The following ST8SIA3 variants were observed in gnomAD, a reference collection of about 807,000 sequenced individuals.
The protein encoded by ST8SIA3 is ST8 alpha-N-acetyl-neuraminide alpha-2,8-sialyltransferase 3.
A neutral mutation model predicts 34.5 loss-of-function variants in ST8SIA3; 17 were observed. The ratio of observed to expected loss-of-function variants is 0.49; its 90% confidence interval spans 0.34 to 0.74. The LOEUF is 0.74. Ranked by LOEUF, ST8SIA3 falls within the 30% of genes least tolerant of loss-of-function variation. The pLI, the probability that ST8SIA3 is intolerant of heterozygous loss-of-function variation, is 0.01. For missense variants in ST8SIA3, 354 were observed against 467.8 expected (o/e 0.76, Z 2.24); for synonymous variants, 172 against 176.1 (o/e 0.98, Z 0.19).
At chr18:57,354,789 C>T (rs544228895) in intron 2 of ST8SIA3, among the ~76,000 whole-genome samples, 1 of 150,788 alleles carries the variant, frequency 6.6e-6, no homozygotes, top group South Asian at 2.1e-4. Flanking sequence ...AAGCATTCCA[C>T]TTGGGCTTGA....
In ST8SIA3 at chr18:57,361,907, T is replaced by C. The variant is rs759146384; in HGVS notation, c.*1630T>C. 6 of 152,238 alleles carry C rather than the reference T, an allele frequency of 3.9e-5. No individual in the cohort carries two copies. Among genetic ancestry groups the C allele is most frequent in the Non-Finnish European group, 7.3e-5 (5 of 68,036 alleles). 9.4% of individuals were successfully genotyped at this position (152,238 alleles called of 1,614,324 possible). A position where few individuals can be genotyped will look rare whatever the true frequency, so the allele number is the denominator to read the frequency against. ...TTCAGTGATGAGCTCATTGCCCCTC[T>C]TTAGGAAGGTAAGATCATGCCTAAA... is the stretch of plus-strand genomic sequence containing the variant. On this transcript the variant is annotated 3_prime_UTR_variant, in exon 4 of 4. Coordinates refer to ENST00000324000, the MANE Select transcript of ST8SIA3 (RefSeq NM_015879.3).
chr18:57,355,671 A>T (rs1042608723), intron 2 of ST8SIA3, among the ~76,000 whole-genome samples: 2 of 152,198 alleles, frequency 1.3e-5, no homozygotes, highest in South Asian at 4.1e-4. Context: ...CATGGGTAGA[A>T]CACATTCTAG....
At position 57,362,802 on chromosome 18, in the gene ST8SIA3, A is replaced by G. The variant is rs1351986958; in HGVS notation, c.*2525A>G. On this transcript the variant is annotated 3_prime_UTR_variant, in exon 4 of 4. Transcript: ENST00000324000. ...GAAGAATAGCAGCTTCTAGCTGACC[A>G]TGCAAAATCTCTGTTTGTTTTTAAA... is the stretch of plus-strand genomic sequence containing the variant. 6.6e-6 allele frequency: 1 copy of G among 152,228 alleles called. No homozygotes were observed. The highest frequency in any genetic ancestry group is 1.5e-5 in the Non-Finnish European group (1 of 68,036). 9.4% of individuals were successfully genotyped at this position (152,228 alleles called of 1,614,324 possible). A position where few individuals can be genotyped will look rare whatever the true frequency, so the allele number is the denominator to read the frequency against.
chr18:57,368,483 C>A lies in ST8SIA3; in HGVS notation c.*8206C>A, dbSNP rs2049873494. On this transcript the variant is annotated 3_prime_UTR_variant, in exon 4 of 4. Coordinates refer to ENST00000324000, the MANE Select transcript of ST8SIA3 (RefSeq NM_015879.3). ...CCTGCCCGCTCACCCCGTCACTCAA[C>A]ACTTGATGCATTTGTTTTGGAAAGT... 2.0e-5 allele frequency: 3 copies of A among 152,194 alleles called. No homozygotes were observed. The highest frequency in any genetic ancestry group is 2.0e-4 in the Admixed American group (3 of 15,286). The allele number at this position is 152,194 out of a possible 1,614,324, so 9.4% of individuals were successfully genotyped here.
Position 57,360,259 on chromosome 18 carries a change from T to C in ST8SIA3, c.1125T>C (p.Thr375=). The C allele has an allele frequency of 6.2e-7, 1 of 1,613,904 alleles. No individual in the cohort carries two copies. Among genetic ancestry groups the C allele is most frequent in the Non-Finnish European group, 8.5e-7 (1 of 1,179,858 alleles). The change falls in exon 4 of 4, where the codon ACT becomes ACC. Residue 375 remains threonine (T), a synonymous_variant. Coordinates refer to ENST00000324000, the MANE Select transcript of ST8SIA3 (RefSeq NM_015879.3). ...ATGGGGAAGGGCTCACCAAGCTGAC[T>C]CTGTCACACTGTGCCTAAGAACTCC... ...RMHGEGLTKL[T]LSHCA is the part of the protein sequence containing the mutation.
At chr18:57,356,744 G>A (rs549215428) in intron 2 of ST8SIA3, among the ~76,000 whole-genome samples, 169 bp from the exon 3 acceptor site, 3 of 152,252 alleles carry the variant, frequency 2.0e-5, no homozygotes, top group African/African-American at 4.8e-5. Context: ...TAGAATATGC[G>A]GAGATTCTGA....
In ST8SIA3 at chr18:57,364,119, A is replaced by G. The variant is rs1477230384; in HGVS notation, c.*3842A>G. 3.3e-5 allele frequency: 5 copies of G among 152,230 alleles called. No homozygotes were observed. The highest frequency in any genetic ancestry group is 1.2e-4 in the African/African-American group (5 of 41,472). 9.4% of individuals were successfully genotyped at this position (152,230 alleles called of 1,614,324 possible). A position where few individuals can be genotyped will look rare whatever the true frequency, so the allele number is the denominator to read the frequency against. On this transcript the variant is annotated 3_prime_UTR_variant, in exon 4 of 4. Coordinates refer to ENST00000324000, the MANE Select transcript of ST8SIA3 (RefSeq NM_015879.3). ...TGCAACTGTCCACCAATTATCACCT[A>G]CCTTCTCCCTGAGATGAAACAAAAC...
At chr18:57,353,894 G>A (rs1286814178) in intron 1 of ST8SIA3, among the ~76,000 whole-genome samples, 1 of 152,192 alleles carries the variant, frequency 6.6e-6, no homozygotes, top group Non-Finnish European at 1.5e-5. Flanking sequence ...TAGGCCGGCG[G>A]CCCCCGGGGG....
chr18:57,360,059 G>A lies in ST8SIA3; in HGVS notation c.925G>A (p.Ala309Thr), dbSNP rs766055987. ...LSTGILMYTL[A>T]SAICEEIHLY... ...CACAGGTATTCTTATGTACACCCTT[G>A]CATCAGCAATATGTGAAGAGATCCA... The change falls in exon 4 of 4, where the codon GCA becomes ACA. Residue 309 changes from alanine (A) to threonine (T), a missense_variant. Coordinates refer to ENST00000324000, the MANE Select transcript of ST8SIA3 (RefSeq NM_015879.3). 1.9e-6 allele frequency: 3 copies of A among 1,614,092 alleles called. No individual in the cohort carries two copies. The highest frequency in any genetic ancestry group is 2.5e-6 in the Non-Finnish European group (3 of 1,180,002).
chr18:57,353,182 C>T (rs1233391374), intron 1 of ST8SIA3, among the ~76,000 whole-genome samples, 157 bp downstream of exon 1: 2 of 152,044 alleles, frequency 1.3e-5, no homozygotes, highest in South Asian at 4.2e-4. Context: ...TCTCCCTTCC[C>T]CCTCCCTGTT....
chr18:57,353,692 G>C (rs2049780343), intron 1 of ST8SIA3, among the ~76,000 whole-genome samples: 1 of 152,144 alleles, frequency 6.6e-6, no homozygotes, highest in Admixed American at 6.5e-5. Flanking sequence ...CTCCGCGCTG[G>C]GCCGGCCTGT....
In ST8SIA3 at chr18:57,361,745, A is replaced by G. The variant is rs1464067161; in HGVS notation, c.*1468A>G. ...GGCCAAGTTGATGTTAAATTTTAAT[A>G]AGAGTTTCTTTCTTCTTTCCAAATG... On this transcript the variant is annotated 3_prime_UTR_variant, in exon 4 of 4. Transcript: ENST00000324000. The G allele has an allele frequency of 3.3e-5, 5 of 152,202 alleles. No homozygotes were observed. The highest frequency in any genetic ancestry group is 7.3e-5 in the Non-Finnish European group (5 of 68,036). The allele number at this position is 152,202 out of a possible 1,614,324, so 9.4% of individuals were successfully genotyped here.
chr18:57,354,349 G>C, intron 1 of ST8SIA3, 53 bp from the exon 2 acceptor site: 3 of 1,608,978 alleles, frequency 1.9e-6, no homozygotes, highest in Non-Finnish European at 2.5e-6. Flanking sequence ...TGGCTACCTC[G>C]GCTTCCCCGA....
At chr18:57,359,790 C>G (rs2049819375) in intron 3 of ST8SIA3, among the ~76,000 whole-genome samples, 1 of 152,172 alleles carries the variant, frequency 6.6e-6, no homozygotes, top group Non-Finnish European at 1.5e-5. Context: ...AACCAAGACT[C>G]CACATTTTTA....
rs544382624 is a variant in ST8SIA3, at chr18:57,368,910, C to G, written c.*8633C>G. 1.3e-5 allele frequency: 2 copies of G among 152,332 alleles called. 1 individual carries two copies. The highest frequency in any genetic ancestry group is 4.8e-5 in the African/African-American group (2 of 41,572). The allele number at this position is 152,332 out of a possible 1,614,324, so 9.4% of individuals were successfully genotyped here. On this transcript the variant is annotated 3_prime_UTR_variant, in exon 4 of 4. Transcript: ENST00000324000. ...CTGAATGCGTTGTTTTTAAATAAAC[C>G]ATTTCGTTTTGCTTTGGGAAACACT...
At chr18:57,358,823 A>G (rs561046890) in intron 3 of ST8SIA3, among the ~76,000 whole-genome samples, 21 of 152,312 alleles carry the variant, frequency 1.4e-4, no homozygotes, top group African/African-American at 4.6e-4. Context: ...AACCTGTCCC[A>G]TGGTCTTTTG....
chr18:57,367,785 C>G lies in ST8SIA3; in HGVS notation c.*7508C>G, dbSNP rs955419087. ...GTGCTCTTTAGCCATATTTCAAGATCCAGATCTGAACCCATACTGTGCAGA... is the reference window on the plus strand; with the variant it reads ...GTGCTCTTTAGCCATATTTCAAGATGCAGATCTGAACCCATACTGTGCAGA... On this transcript the variant is annotated 3_prime_UTR_variant, in exon 4 of 4. Transcript: ENST00000324000. The G allele has an allele frequency of 6.6e-6, 1 of 152,610 alleles. No homozygotes were observed. Among genetic ancestry groups the G allele is most frequent in the Non-Finnish European group, 1.5e-5 (1 of 68,038 alleles). 9.5% of individuals were successfully genotyped at this position (152,610 alleles called of 1,614,324 possible). A position where few individuals can be genotyped will look rare whatever the true frequency, so the allele number is the denominator to read the frequency against.
rs888984267 is a variant in ST8SIA3 at position 57,368,124 on chromosome 18, T to C, written c.*7847T>C. Reference sequence around the variant, plus strand: ...TAGCTAACTGGAATTAGAGTCTGGGTCTCCCAACCACTGATTCTGCTACAC... The same window carrying C: ...TAGCTAACTGGAATTAGAGTCTGGGCCTCCCAACCACTGATTCTGCTACAC... On this transcript the variant is annotated 3_prime_UTR_variant, in exon 4 of 4. Transcript: ENST00000324000. 3 of 152,168 alleles carry C rather than the reference T, an allele frequency of 2.0e-5. No homozygotes were observed. Among genetic ancestry groups the C allele is most frequent in the African/African-American group, 7.2e-5 (3 of 41,438 alleles). The allele number at this position is 152,168 out of a possible 1,614,324, so 9.4% of individuals were successfully genotyped here. A position where few individuals can be genotyped will look rare whatever the true frequency, so the allele number is the denominator to read the frequency against.
intron 1 of ST8SIA3, 83 bp downstream of exon 1, chr18:57,353,108 T>C (rs185884660): frequency 2.1e-6 from 3 of 1,442,050 alleles, no homozygotes; most frequent in Non-Finnish European, 2.8e-6. Context: ...GGGAGGGGTG[T>C]TTTGGCCTCT....
Sources: allele counts gnomAD v4.1 joint callset (sites outside exome capture counted in the v4.1 genomes callset), GRCh38; gene constraint gnomAD v4.1.1; transcripts MANE v1.5; gene names NCBI Gene and HGNC (gene_info 2026-07-23, HGNC 2026-07-21).